POC1B: variants seen among roughly 807,000 people sequenced by gnomAD.
The protein encoded by POC1B is POC1 centriolar protein B.
Under a neutral mutation model 60.6 loss-of-function variants are expected in POC1B, and 44 were observed. The observed-to-expected ratio is 0.73, with a 90% confidence interval of 0.57 to 0.93. The LOEUF is 0.93. Ranked by LOEUF, POC1B falls within the 40% of genes least tolerant of loss-of-function variation. The probability of loss-of-function intolerance (pLI) is 0.00; values close to 1 mark genes in which losing one functional copy is unlikely to be tolerated. For synonymous variants in POC1B, 180 were observed against 198.9 expected (o/e 0.90, Z 0.80); for missense variants, 555 against 572.3 (o/e 0.97, Z 0.31).
chr12:89,417,895 C>T (rs1880389951), downstream of POC1B, among the ~76,000 whole-genome samples: 1 of 152,190 alleles, frequency 6.6e-6, no homozygotes, highest in Non-Finnish European at 1.5e-5. Flanking sequence ...TTAATCATAG[C>T]TGAGAAGCTG....
chr12:89,506,134 C>A (rs552817101), intron 2 of POC1B, among the ~76,000 whole-genome samples: 4 of 152,214 alleles, frequency 2.6e-5, no homozygotes, highest in South Asian at 2.1e-4. Flanking sequence ...GGATATACCC[C>A]GCCTGGAGCC....
At position 89,525,269 on chromosome 12, in the gene POC1B, C is replaced by T. The variant is rs1871352383; in HGVS notation, c.16-65G>A. ...ACCTCGAATTCTGGCGGCTGGGATC[C>T]ACGCTGCCACTTCCCCGGAGTCCGG... On this transcript the variant is annotated intron_variant, in intron 1 of 11. Coordinates refer to ENST00000313546, the MANE Select transcript of POC1B (RefSeq NM_172240.3). 5 of 1,543,892 alleles carry T rather than the reference C, an allele frequency of 3.2e-6. No homozygotes were observed. The East Asian group carries it at 1.2e-4, about 36-fold the overall frequency.
intron 10 of POC1B, among the ~76,000 whole-genome samples, chr12:89,457,601 C>T (rs1882310928): frequency 1.3e-5 from 2 of 152,128 alleles, no homozygotes; most frequent in Admixed American, 1.3e-4. Context: ...ATTTTGTTTT[C>T]CTGTGTTTTG....
chr12:89,476,603 G>A (rs1883113268), intron 4 of POC1B, among the ~76,000 whole-genome samples: 1 of 152,046 alleles, frequency 6.6e-6, no homozygotes, highest in African/African-American at 2.4e-5. Context: ...AGCTACTTGG[G>A]AGGCTAAGGC....
At chr12:89,401,821 A>G in the POC1B span, among the ~76,000 whole-genome samples, 1 of 152,252 alleles carries the variant, frequency 6.6e-6, no homozygotes, top group African/African-American at 2.4e-5. Flanking sequence ...TTTGTAAGCA[A>G]CTTTGCATGG....
intron 6 of POC1B, among the ~76,000 whole-genome samples, chr12:89,471,255 T>C (rs927341023): frequency 6.6e-6 from 1 of 152,232 alleles, no homozygotes; most frequent in Non-Finnish European, 1.5e-5. Context: ...AGTAGGTAGT[T>C]GTTTTCTACC....
intron 9 of POC1B, chr12:89,460,078 G>C: frequency 2.9e-6 from 1 of 348,210 alleles, no homozygotes; most frequent in East Asian, 7.9e-5. Context: ...AAGGTATTAA[G>C]ATAACAATTA....
intron 10 of POC1B, among the ~76,000 whole-genome samples, chr12:89,450,877 A>G (rs1354660766): frequency 6.6e-6 from 1 of 152,168 alleles, no homozygotes; most frequent in Non-Finnish European, 1.5e-5. Context: ...CAGCAGAAAA[A>G]CAAAGTACAG....
At chr12:89,437,518 C>T (rs1881318759) in intron 10 of POC1B, among the ~76,000 whole-genome samples, 1 of 152,154 alleles carries the variant, frequency 6.6e-6, no homozygotes, top group African/African-American at 2.4e-5. Context: ...AAAGAATCAG[C>T]TCAAGTATCA....
intron 2 of POC1B, chr12:89,522,168 A>C: frequency 2.5e-6 from 1 of 398,848 alleles, no homozygotes; most frequent in Non-Finnish European, 4.4e-6. Context: ...CGGAATGTAA[A>C]TATCTCCCCA....
intron 2 of POC1B, chr12:89,500,580 T>C (rs373046118): frequency 6.2e-6 from 10 of 1,605,298 alleles, no homozygotes; most frequent in Middle Eastern, 1.8e-4. Context: ...TCTGTTCTTT[T>C]GGATGCAAAA....
chr12:89,436,411 A>G (rs1028459808), intron 10 of POC1B, among the ~76,000 whole-genome samples: 2 of 152,186 alleles, frequency 1.3e-5, no homozygotes, highest in East Asian at 3.8e-4. Context: ...AATAACCAGC[A>G]TGATTCAAAT....
chr12:89,481,186 A>C (rs959230863), intron 4 of POC1B, among the ~76,000 whole-genome samples: 10 of 152,188 alleles, frequency 6.6e-5, no homozygotes, highest in Non-Finnish European at 1.5e-4. Flanking sequence ...TTTTCTTGTC[A>C]ATTTTCCTTG....
At chr12:89,492,342 T>C (rs1181557416) in intron 3 of POC1B, among the ~76,000 whole-genome samples, 1 of 152,026 alleles carries the variant, frequency 6.6e-6, no homozygotes, top group African/African-American at 2.4e-5. Context: ...AAGAAGAGAA[T>C]AGAAAAACAA....
rs1592597350 is a variant in POC1B, at chr12:89,453,635, A to C, written c.1113+6003T>G. Among the ~76,000 whole-genome samples, 3 of 152,240 alleles carry C rather than the reference A, an allele frequency of 2.0e-5. No individual in the cohort carries two copies. In the South Asian group the frequency reaches 6.2e-4, roughly 31 times the overall value. ...CTGCTGCAAAGTTTAAAAACTTTAC[A>C]TTGCGTATGACCATTTTACACTTTC... On this transcript the variant is annotated intron_variant, in intron 10 of 11. Coordinates refer to ENST00000313546, the MANE Select transcript of POC1B (RefSeq NM_172240.3).
chr12:89,500,201 A>G lies in POC1B; in HGVS notation c.101-2859T>C, dbSNP rs1869482714. 1.9e-6 allele frequency: 3 copies of G among 1,598,678 alleles called. No homozygotes were observed. In the Admixed American group the frequency reaches 5.1e-5, roughly 27 times the overall value. On this transcript the variant is annotated intron_variant, in intron 2 of 11. Coordinates refer to ENST00000313546, the MANE Select transcript of POC1B (RefSeq NM_172240.3). Reference sequence around the variant, plus strand: ...AGAGCAAGGCCAGAATGTTCTGGAAATCTTACAAGACTGTTTTGAAGAAAA... The same window carrying G: ...AGAGCAAGGCCAGAATGTTCTGGAAGTCTTACAAGACTGTTTTGAAGAAAA...
At chr12:89,440,824 G>C (rs55954530) in intron 10 of POC1B, among the ~76,000 whole-genome samples, 10,597 of 152,296 alleles carry the variant, frequency 0.07, 455 homozygotes, top group Non-Finnish European at 0.098. Context: ...GCGGGGCATC[G>C]CCTCACCCAG....
rs1370254716 is a variant in POC1B at position 89,524,876 on chromosome 12, G to GA, written c.100+243dup. On this transcript the variant is annotated intron_variant, in intron 2 of 11. Transcript: ENST00000313546. ...TCACTCCTCCTGGTGGTTAGTTTGC[G>GA]AAAGTCGTCCGCCAGGCCCAGACCG... 1.6e-4 allele frequency: 103 copies of GA among 657,248 alleles called. No homozygotes were observed. The Middle Eastern group carries it at 2.5e-3, about 16-fold the overall frequency. The allele number at this position is 657,248 out of a possible 1,614,324, so 40.7% of individuals were successfully genotyped here.
intron 10 of POC1B, among the ~76,000 whole-genome samples, chr12:89,456,007 T>C (rs192694787): frequency 1.5e-4 from 4 of 26,522 alleles, no homozygotes; most frequent in Admixed American, 7.1e-4. Flanking sequence ...AAACTCTTTT[T>C]TGTTGTTGTT....
Sources: allele counts gnomAD v4.1 joint callset (sites outside exome capture counted in the v4.1 genomes callset), GRCh38; gene constraint gnomAD v4.1.1; transcripts MANE v1.5; gene names NCBI Gene and HGNC (gene_info 2026-07-23, HGNC 2026-07-21).